The following PDE4B variants were observed in gnomAD, a reference collection of about 807,000 sequenced individuals.
PDE4B encodes the protein phosphodiesterase 4B.
Under a neutral mutation model 82.2 loss-of-function variants are expected in PDE4B, and 20 were observed. That is an observed-to-expected ratio of 0.24 (90% CI 0.17 to 0.35). The LOEUF is 0.35. PDE4B is among the 10% of genes least tolerant of loss of function. The pLI is 1.00. For synonymous variants in PDE4B, 320 were observed against 318.9 expected (o/e 1.00, Z -0.04); for missense variants, 655 against 907.2 (o/e 0.72, Z 3.57).
At chr1:66,088,334 A>C (rs1251905785) in intron 3 of PDE4B, among the ~76,000 whole-genome samples, 1 of 152,068 alleles carries the variant, frequency 6.6e-6, no homozygotes, top group Non-Finnish European at 1.5e-5. Context: ...AGAACCTCTG[A>C]GTATCCAACT....
chr1:66,263,905 G>A (rs1447469407), intron 6 of PDE4B, among the ~76,000 whole-genome samples: 1 of 152,190 alleles, frequency 6.6e-6, no homozygotes, highest in Non-Finnish European at 1.5e-5. Flanking sequence ...AAGTGTTCAA[G>A]TTTGGCCTTG....
At chr1:65,878,892 G>A (rs530779688) in intron 1 of PDE4B, among the ~76,000 whole-genome samples, 8 of 152,056 alleles carry the variant, frequency 5.3e-5, no homozygotes, top group Admixed American at 1.3e-4. Context: ...CAAAGTTAAA[G>A]TAAAATAAAA....
At chr1:65,795,678 A>G (rs930254014) in intron 1 of PDE4B, among the ~76,000 whole-genome samples, 1 of 152,224 alleles carries the variant, frequency 6.6e-6, no homozygotes. Context: ...AGGTTGGGCC[A>G]TTGCAGCACA....
intron 3 of PDE4B, among the ~76,000 whole-genome samples, chr1:66,140,653 A>G (rs565128763): frequency 2.0e-5 from 3 of 152,380 alleles, no homozygotes; most frequent in African/African-American, 7.2e-5. Flanking sequence ...CATCTTTTAA[A>G]AATTCTCATG....
rs560271429 is a variant in PDE4B, at chr1:66,198,871, T to G, written c.282-48589T>G. Among the ~76,000 whole-genome samples the G allele has an allele frequency of 2.1e-4, 32 of 152,220 alleles. No homozygotes were observed. The East Asian group carries it at 4.8e-3, about 23-fold the overall frequency. Reference sequence around the variant, plus strand: ...TGAGAACATGCGGTGTTTGGTTTTTTGTCCTTGTGATAGTTTTCTGAGAGT... The same window carrying G: ...TGAGAACATGCGGTGTTTGGTTTTTGGTCCTTGTGATAGTTTTCTGAGAGT... On this transcript the variant is annotated intron_variant, in intron 3 of 16. Coordinates refer to ENST00000341517, the MANE Select transcript of PDE4B (RefSeq NM_002600.4).
At chr1:65,976,896 T>C (rs1650439348) in intron 3 of PDE4B, among the ~76,000 whole-genome samples, 1 of 152,192 alleles carries the variant, frequency 6.6e-6, no homozygotes, top group Non-Finnish European at 1.5e-5. Flanking sequence ...TCTTAGGTAG[T>C]TCTTTATAGC....
intron 3 of PDE4B, among the ~76,000 whole-genome samples, chr1:66,186,076 C>T (rs1416772681): frequency 6.6e-6 from 1 of 152,136 alleles, no homozygotes; most frequent in Non-Finnish European, 1.5e-5. Context: ...TTCCCAGCAC[C>T]ATTTATTAAA....
chr1:66,266,283 A>T, intron 7 of PDE4B, 196 bp downstream of exon 7: 1 of 595,640 alleles, frequency 1.7e-6, no homozygotes, highest in Non-Finnish European at 3.0e-6. Context: ...AGCAGTACTA[A>T]ATAATTTGCC....
chr1:66,019,232 TAATTTATTTAAAAAGCAATTTTTAG>T (rs1302102910), intron 3 of PDE4B, among the ~76,000 whole-genome samples: 4 of 152,160 alleles, frequency 2.6e-5, no homozygotes, highest in African/African-American at 9.7e-5. Context: ...AACTGAAGCT[TAATTTATTTAAAAAGCAATTTTTAG>T]AACAAGTCGA....
chr1:65,997,560 G>A (rs1367416596), intron 3 of PDE4B, among the ~76,000 whole-genome samples: 1 of 152,166 alleles, frequency 6.6e-6, no homozygotes, highest in Non-Finnish European at 1.5e-5. Context: ...GTCCTAGTTT[G>A]TTAGCTAACT....
At chr1:66,271,411 A>G (rs1381163702) in intron 7 of PDE4B, among the ~76,000 whole-genome samples, 1 of 152,216 alleles carries the variant, frequency 6.6e-6, no homozygotes, top group Non-Finnish European at 1.5e-5. Flanking sequence ...AGTTGGAATC[A>G]TGCATGTTAG....
intron 7 of PDE4B, among the ~76,000 whole-genome samples, chr1:66,331,568 A>AT (rs1422073558): frequency 6.6e-6 from 1 of 152,224 alleles, no homozygotes; most frequent in African/African-American, 2.4e-5. Context: ...TCACAACAAT[A>AT]TTTTTTGTGT....
At chr1:65,846,824 A>G (rs1473325964) in intron 1 of PDE4B, among the ~76,000 whole-genome samples, 1 of 152,178 alleles carries the variant, frequency 6.6e-6, no homozygotes, top group Non-Finnish European at 1.5e-5. Flanking sequence ...ATAAATTTGT[A>G]TTACTAGCAA....
At chr1:66,013,113 A>C (rs1380191829) in intron 3 of PDE4B, among the ~76,000 whole-genome samples, 2 of 152,124 alleles carry the variant, frequency 1.3e-5, no homozygotes, top group Non-Finnish European at 2.9e-5. Flanking sequence ...CAGATTTTCA[A>C]AGATCTATTA....
At chr1:66,319,231 A>G (rs903975036) in intron 7 of PDE4B, among the ~76,000 whole-genome samples, 3 of 152,212 alleles carry the variant, frequency 2.0e-5, no homozygotes, top group African/African-American at 7.2e-5. Context: ...TAGTGTTTCA[A>G]GAGGTTGGAA....
At chr1:65,957,271 C>T (rs928697326) in intron 3 of PDE4B, among the ~76,000 whole-genome samples, 12 of 151,858 alleles carry the variant, frequency 7.9e-5, no homozygotes, top group African/African-American at 2.9e-4. Flanking sequence ...CCTTTCCTAC[C>T]CCAACTTTAT....
At chr1:66,086,902 G>T (rs1007059437) in intron 3 of PDE4B, among the ~76,000 whole-genome samples, 4 of 152,250 alleles carry the variant, frequency 2.6e-5, no homozygotes, top group African/African-American at 9.6e-5. Context: ...AAGTTTAATT[G>T]AGAAGAGTGA....
intron 3 of PDE4B, among the ~76,000 whole-genome samples, chr1:66,173,726 G>A (rs146021808): frequency 1.6e-3 from 245 of 152,306 alleles, no homozygotes; most frequent in African/African-American, 5.6e-3. Context: ...CTCACTAAGA[G>A]TTAAGAATAA....
At position 66,373,892 on chromosome 1, in the gene PDE4B, T is replaced by C. The variant is rs1179441968; in HGVS notation, c.*1214T>C. 6.6e-6 allele frequency: 1 copy of C among 152,488 alleles called. No homozygotes were observed. The highest frequency in any genetic ancestry group is 1.5e-5 in the Non-Finnish European group (1 of 68,028). The allele number at this position is 152,488 out of a possible 1,614,324, so 9.4% of individuals were successfully genotyped here. Reference sequence around the variant, plus strand: ...AGGGTCTGCCCTTTCCCTGCCTGAGTTGCTACTTCTGCACAACCCCTTTAT... The same window carrying C: ...AGGGTCTGCCCTTTCCCTGCCTGAGCTGCTACTTCTGCACAACCCCTTTAT... On this transcript the variant is annotated 3_prime_UTR_variant, in exon 17 of 17. Transcript: ENST00000341517.
Sources: gnomAD v4.1 joint callset for allele counts (sites outside exome capture counted in the v4.1 genomes callset) on GRCh38, gnomAD v4.1.1 for gene constraint, MANE v1.5 for transcripts, NCBI Gene and HGNC (gene_info 2026-07-23, HGNC 2026-07-21) for gene names.